NRCAM: variants seen among roughly 807,000 people sequenced by gnomAD.
NRCAM encodes the protein NgCAM-related cell adhesion molecule.
In NRCAM, 83 loss-of-function variants were observed where a neutral mutation model predicts 156.5. That is an observed-to-expected ratio of 0.53 (90% CI 0.44 to 0.64). NRCAM has a LOEUF of 0.64. NRCAM is among the 30% of genes least tolerant of loss of function. The probability of loss-of-function intolerance (pLI) is 0.00; values close to 1 mark genes in which losing one functional copy is unlikely to be tolerated. For missense variants in NRCAM, 1,417 were observed against 1,597.3 expected, an observed-to-expected ratio of 0.89 and a Z score of 1.92; for synonymous variants, 538 against 563.9, an observed-to-expected ratio of 0.95 and a Z score of 0.65.
At chr7:108,389,498 C>G (rs2099752764) in intron 2 of NRCAM, among the ~76,000 whole-genome samples, 1 of 152,200 alleles carries the variant, frequency 6.6e-6, no homozygotes, top group Non-Finnish European at 1.5e-5. Context: ...ATGTCATCTG[C>G]AAACAGGGAC....
chr7:108,192,870 T>C (rs561571525), intron 17 of NRCAM, among the ~76,000 whole-genome samples: 2 of 152,296 alleles, frequency 1.3e-5, no homozygotes, highest in South Asian at 2.1e-4. Context: ...TAGAGGGAAC[T>C]TGTGGGCATG....
chr7:108,335,049 T>C (rs989202214), intron 2 of NRCAM, among the ~76,000 whole-genome samples: 7 of 152,200 alleles, frequency 4.6e-5, no homozygotes, highest in African/African-American at 1.4e-4. Flanking sequence ...ATAACACTGA[T>C]ATATTTCCAA....
At chr7:108,332,121 G>A (rs998321244) in intron 2 of NRCAM, among the ~76,000 whole-genome samples, 4 of 152,164 alleles carry the variant, frequency 2.6e-5, no homozygotes, top group East Asian at 1.9e-4. Flanking sequence ...TAAGTGTCAC[G>A]TCATTTGAGG....
At chr7:108,334,527 T>C (rs2099159287) in intron 2 of NRCAM, among the ~76,000 whole-genome samples, 1 of 152,200 alleles carries the variant, frequency 6.6e-6, no homozygotes, top group Admixed American at 6.5e-5. Context: ...GTTTTCTCTG[T>C]TTGCAGACAC....
chr7:108,296,220 T>G (rs2098451738), intron 3 of NRCAM, among the ~76,000 whole-genome samples: 1 of 152,146 alleles, frequency 6.6e-6, no homozygotes, highest in Non-Finnish European at 1.5e-5. Flanking sequence ...AAGTGGGGCC[T>G]CTGTAATTGT....
chr7:108,277,840 C>A (rs2097698454), intron 3 of NRCAM, among the ~76,000 whole-genome samples: 1 of 152,152 alleles, frequency 6.6e-6, no homozygotes, highest in African/African-American at 2.4e-5. Context: ...GAATCTTCAG[C>A]CTTTCTGCTC....
At chr7:108,438,872 C>A (rs1835280742) in intron 1 of NRCAM, among the ~76,000 whole-genome samples, 1 of 151,964 alleles carries the variant, frequency 6.6e-6, no homozygotes, top group African/African-American at 2.4e-5. Flanking sequence ...ATAATTCCAT[C>A]ACAATAGCAC....
intron 1 of NRCAM, among the ~76,000 whole-genome samples, chr7:108,442,661 C>T (rs1297484033): frequency 1.3e-5 from 2 of 152,200 alleles, no homozygotes; most frequent in Admixed American, 6.5e-5. Flanking sequence ...CATGCTAGTA[C>T]ATCTGCAAAA....
At chr7:108,243,092 TG>T (rs2095645909) in intron 3 of NRCAM, 1 of 152,180 alleles carries the variant, frequency 6.6e-6, no homozygotes, top group Admixed American at 6.5e-5. Flanking sequence ...TGGGAGGTCA[TG>T]AACTACGATA....
intron 2 of NRCAM, among the ~76,000 whole-genome samples, chr7:108,382,175 G>GTTTTGCTTTCCGGAGGAGGGAGA (rs2099704467): frequency 1.3e-5 from 2 of 151,684 alleles, no homozygotes; most frequent in African/African-American, 2.4e-5. Context: ...ATCTGCATCA[G>GTTTTGCTTTCCGGAGGAGGGAGA]TTTTGCTTTC....
At chr7:108,301,798 A>G (rs1358175052) in intron 3 of NRCAM, among the ~76,000 whole-genome samples, 2 of 152,144 alleles carry the variant, frequency 1.3e-5, no homozygotes, top group South Asian at 2.1e-4. Context: ...TTGGGCATTT[A>G]AAAGTATGAT....
intron 1 of NRCAM, among the ~76,000 whole-genome samples, chr7:108,432,701 G>A (rs1336330333): frequency 1.3e-5 from 2 of 152,298 alleles, no homozygotes; most frequent in East Asian, 1.9e-4. Flanking sequence ...TCAAGAGTTC[G>A]AGACCAACCT....
At chr7:108,369,249 C>T (rs1038257798) in intron 2 of NRCAM, among the ~76,000 whole-genome samples, 12 of 151,956 alleles carry the variant, frequency 7.9e-5, no homozygotes, top group Non-Finnish European at 1.8e-4. Flanking sequence ...TACAAAACAT[C>T]TAATTTATAA....
rs757240745 is a variant in NRCAM at position 108,182,655 on chromosome 7, T to C, written c.2530+40A>G. ...TGGCCTTGGCTTGCACCTTGGTAAG[T>C]CTGTTTTGCTGGGGAAAAGTAGGAA... On this transcript the variant is annotated intron_variant, in intron 23 of 32. Coordinates refer to ENST00000379028, the MANE Select transcript of NRCAM (RefSeq NM_001037132.4). The C allele has an allele frequency of 6.9e-6, 11 of 1,584,394 alleles. No homozygotes were observed. In the South Asian group the frequency reaches 1.2e-4, roughly 18 times the overall value.
chr7:108,378,199 T>C lies in NRCAM; in HGVS notation c.-174+21237A>G, dbSNP rs374065727. On this transcript the variant is annotated intron_variant, in intron 2 of 32. Coordinates refer to ENST00000379028, the MANE Select transcript of NRCAM (RefSeq NM_001037132.4). ...TACTAAAATCAAAATATAAATTAAGTGTGCTATTAAAAGATTACTGAGGGA... is the reference window on the plus strand; with the variant it reads ...TACTAAAATCAAAATATAAATTAAGCGTGCTATTAAAAGATTACTGAGGGA... Among the ~76,000 whole-genome samples, 4 of 152,100 alleles carry C rather than the reference T, an allele frequency of 2.6e-5. No homozygotes were observed. In the East Asian group the frequency reaches 7.7e-4, roughly 29 times the overall value.
chr7:108,439,283 T>G (rs1835776814), intron 1 of NRCAM, among the ~76,000 whole-genome samples: 1 of 152,100 alleles, frequency 6.6e-6, no homozygotes, highest in Non-Finnish European at 1.5e-5. Flanking sequence ...AAAGGGCATA[T>G]CAAGAAAGTA....
chr7:108,283,108 T>G (rs2097919446), intron 3 of NRCAM, among the ~76,000 whole-genome samples: 1 of 152,194 alleles, frequency 6.6e-6, no homozygotes, highest in Admixed American at 6.5e-5. Context: ...GAACAAACAA[T>G]GTAAGAATGT....
chr7:108,320,423 G>C (rs528241946), intron 2 of NRCAM, among the ~76,000 whole-genome samples: 1 of 151,954 alleles, frequency 6.6e-6, no homozygotes, highest in Non-Finnish European at 1.5e-5. Context: ...CTCCAGCCTG[G>C]AGAACAGAGC....
intron 1 of NRCAM, among the ~76,000 whole-genome samples, chr7:108,420,039 C>CGTGT (rs35840496): frequency 0.17 from 24,987 of 146,534 alleles, 2,428 homozygotes; most frequent in East Asian, 0.32. Context: ...TTAGTTCCAT[C>CGTGT]GTGTGTGTGT....
Sources: allele counts gnomAD v4.1 joint callset (sites outside exome capture counted in the v4.1 genomes callset), GRCh38; gene constraint gnomAD v4.1.1; transcripts MANE v1.5; gene names NCBI Gene and HGNC (gene_info 2026-07-23, HGNC 2026-07-21).